XKR4: variants seen among roughly 807,000 people sequenced by gnomAD.
The protein encoded by XKR4 is XK related 4, also known as XK-related protein 4.
XKR4 carries 12 observed loss-of-function variants against 53.9 expected under a neutral mutation model. That is an observed-to-expected ratio of 0.22 (90% CI 0.14 to 0.36). The LOEUF is 0.36. Among genes scored for constraint, XKR4 ranks in the 10% least tolerant of loss-of-function variants. The pLI is 1.00. For synonymous variants in XKR4, 354 were observed against 362.4 expected (o/e 0.98, Z 0.26); for missense variants, 799 against 859.5 (o/e 0.93, Z 0.88).
chr8:55,409,565 G>GTT lies in XKR4; in HGVS notation c.1006+51699_1006+51700dup, dbSNP rs11381160. On this transcript the variant is annotated intron_variant, in intron 2 of 2. Coordinates refer to ENST00000327381, the MANE Select transcript of XKR4 (RefSeq NM_052898.2). Reference sequence around the variant, plus strand: ...GCAGAGGTCAGTGGAACATGAAACAGTTTTTTTTTTTTCTTTTTTGACACT... The same window carrying GTT: ...GCAGAGGTCAGTGGAACATGAAACAGTTTTTTTTTTTTTTCTTTTTTGACACT... 7.4e-3 allele frequency among the ~76,000 whole-genome samples: 1,107 copies of GTT among 149,076 alleles called. 1 individual carries two copies. Among genetic ancestry groups the GTT allele is most frequent in the Middle Eastern group, 0.011 (3 of 282 alleles).
intron 1 of XKR4, among the ~76,000 whole-genome samples, chr8:55,280,422 C>T (rs1235105161): frequency 2.0e-5 from 3 of 152,168 alleles, no homozygotes; most frequent in Admixed American, 6.5e-5. Flanking sequence ...GTAGCAAACA[C>T]CCTGCTGTCA....
chr8:55,205,788 T>C (rs1480499052), intron 1 of XKR4, among the ~76,000 whole-genome samples: 4 of 152,226 alleles, frequency 2.6e-5, no homozygotes, highest in African/African-American at 9.6e-5. Context: ...TCTTACTGTG[T>C]CCGGAATTGG....
intron 2 of XKR4, among the ~76,000 whole-genome samples, chr8:55,367,897 A>C (rs1585541378): frequency 6.6e-6 from 1 of 151,024 alleles, no homozygotes; most frequent in Admixed American, 6.6e-5. Flanking sequence ...ACCCCCCTTC[A>C]CCTTTTCCCA....
rs573427485 is a variant in XKR4 at position 55,449,507 on chromosome 8, G to A, written c.1007-73774G>A. On this transcript the variant is annotated intron_variant, in intron 2 of 2. Transcript: ENST00000327381. ...CAGAGCAGCCAGGCAAGGTCGGGAGGCTCAGGCGTCCGACAGTCAGCTCTG... is the reference window on the plus strand; with the variant it reads ...CAGAGCAGCCAGGCAAGGTCGGGAGACTCAGGCGTCCGACAGTCAGCTCTG... 2.9e-5 allele frequency: 40 copies of A among 1,390,686 alleles called. No individual in the cohort carries two copies. The East Asian group carries it at 9.5e-4, about 33-fold the overall frequency. 86.1% of individuals were successfully genotyped at this position (1,390,686 alleles called of 1,614,324 possible).
chr8:55,130,981 G>A (rs1044741919), intron 1 of XKR4, among the ~76,000 whole-genome samples: 2 of 152,058 alleles, frequency 1.3e-5, no homozygotes, highest in African/African-American at 2.4e-5. Flanking sequence ...CCGACGTGGA[G>A]AAACCCCATC....
At chr8:55,272,244 A>G (rs1378847611) in intron 1 of XKR4, among the ~76,000 whole-genome samples, 1 of 152,242 alleles carries the variant, frequency 6.6e-6, no homozygotes, top group East Asian at 1.9e-4. Context: ...GCAAGAACAC[A>G]ATGGAAGGCT....
At chr8:55,444,569 A>G (rs933725615) in intron 2 of XKR4, among the ~76,000 whole-genome samples, 2 of 152,372 alleles carry the variant, frequency 1.3e-5, no homozygotes, top group Non-Finnish European at 2.9e-5. Flanking sequence ...AATACAAATT[A>G]CTAATAAACT....
intron 1 of XKR4, among the ~76,000 whole-genome samples, chr8:55,127,945 G>A (rs988241096): frequency 2.6e-5 from 4 of 152,100 alleles, no homozygotes; most frequent in African/African-American, 9.7e-5. Context: ...ATTCCATGGT[G>A]TATATGTGCC....
At position 55,488,660 on chromosome 8, in the gene XKR4, C is replaced by CTGA. The variant is rs1585602093; in HGVS notation, c.1007-34621_1007-34620insTGA. ...GAGAGAATAAAAAGACCAATGGTGG[C>CTGA]CGGGCGCGGTGGCTCACGCCTGTAA... On this transcript the variant is annotated intron_variant, in intron 2 of 2. Coordinates refer to ENST00000327381, the MANE Select transcript of XKR4 (RefSeq NM_052898.2). Among the ~76,000 whole-genome samples, 106 of 61,986 alleles carry CTGA rather than the reference C, an allele frequency of 1.7e-3. 15 individuals carry two copies. The highest frequency in any genetic ancestry group is 3.1e-3 in the South Asian group (7 of 2,270). 40.7% of individuals were successfully genotyped at this position (61,986 alleles called of 152,430 possible). A position where few individuals can be genotyped will look rare whatever the true frequency, so the allele number is the denominator to read the frequency against.
chr8:55,266,993 G>A (rs951946273), intron 1 of XKR4, among the ~76,000 whole-genome samples: 2 of 152,122 alleles, frequency 1.3e-5, no homozygotes, highest in Non-Finnish European at 2.9e-5. Context: ...ATTATGCAAT[G>A]ACAAGATCAA....
In XKR4 at chr8:55,477,386, C is replaced by A. The variant is rs192511640; in HGVS notation, c.1007-45895C>A. On this transcript the variant is annotated intron_variant, in intron 2 of 2. Transcript: ENST00000327381. ...AAAACTAACAAACAGAAAGTACATC[C>A]ACACCAAAAACCCTTCTGTACGTCA... Among the ~76,000 whole-genome samples, 353 of 152,134 alleles carry A rather than the reference C, an allele frequency of 2.3e-3. 1 individual carries two copies. The highest frequency in any genetic ancestry group is 3.6e-3 in the Non-Finnish European group (244 of 68,020).
chr8:55,475,672 T>C (rs1420440821), intron 2 of XKR4, among the ~76,000 whole-genome samples: 2 of 151,860 alleles, frequency 1.3e-5, no homozygotes, highest in Non-Finnish European at 2.9e-5. Context: ...GGCATGATCT[T>C]GGCTCACTGC....
At chr8:55,269,890 A>G in intron 1 of XKR4, among the ~76,000 whole-genome samples, 1 of 152,198 alleles carries the variant, frequency 6.6e-6, no homozygotes, top group East Asian at 1.9e-4. Flanking sequence ...AACTTCAGTT[A>G]TAGAAATGCC....
At chr8:55,188,791 T>A (rs1209566957) in intron 1 of XKR4, among the ~76,000 whole-genome samples, 3 of 152,348 alleles carry the variant, frequency 2.0e-5, no homozygotes, top group Admixed American at 2.0e-4. Context: ...TAAGCCTCAG[T>A]TCCCCCATCT....
chr8:55,452,045 G>T, intron 2 of XKR4: 1 of 732,048 alleles, frequency 1.4e-6, no homozygotes, highest in Admixed American at 1.9e-5. Flanking sequence ...GGGTTCTGAG[G>T]GAAGGACCCT....
intron 2 of XKR4, among the ~76,000 whole-genome samples, chr8:55,495,568 C>T (rs58023456): frequency 4.6e-5 from 7 of 152,276 alleles, no homozygotes; most frequent in Admixed American, 3.3e-4. Flanking sequence ...CTTCCAGGGT[C>T]GTGGGCTCCA....
At chr8:55,512,585 A>T (rs1806644952) in intron 2 of XKR4, among the ~76,000 whole-genome samples, 1 of 152,222 alleles carries the variant, frequency 6.6e-6, no homozygotes, top group Non-Finnish European at 1.5e-5. Flanking sequence ...TCTGTCTTCC[A>T]TACTGATTTT....
intron 2 of XKR4, among the ~76,000 whole-genome samples, chr8:55,483,636 T>C (rs1378637513): frequency 6.6e-6 from 1 of 152,082 alleles, no homozygotes; most frequent in Non-Finnish European, 1.5e-5. Context: ...AAGGGAAACT[T>C]TTTAAATACA....
intron 1 of XKR4, among the ~76,000 whole-genome samples, chr8:55,329,510 A>T (rs1237979226): frequency 6.6e-6 from 1 of 152,162 alleles, no homozygotes; most frequent in Non-Finnish European, 1.5e-5. Flanking sequence ...GTCTACATAA[A>T]TATTCTACAT....
Sources: gnomAD v4.1 joint callset for allele counts (sites outside exome capture counted in the v4.1 genomes callset) on GRCh38, gnomAD v4.1.1 for gene constraint, MANE v1.5 for transcripts, NCBI Gene and HGNC (gene_info 2026-07-23, HGNC 2026-07-21) for gene names.